AIG1: variants seen among roughly 807,000 people sequenced by gnomAD.
AIG1 encodes androgen-induced gene 1 protein.
Under a neutral mutation model 31.4 loss-of-function variants are expected in AIG1, and 23 were observed. The observed-to-expected ratio is 0.73, with a 90% CI of 0.53 to 1.04. The LOEUF (loss-of-function observed/expected upper bound fraction) is 1.04, where lower values mean the gene tolerates loss of function less well. Ranked by LOEUF, AIG1 falls within the 50% of genes least tolerant of loss-of-function variation. The pLI is 0.00. For synonymous variants in AIG1, 100 were observed against 110.5 expected, an observed-to-expected ratio of 0.90 and a Z score of 0.60; for missense variants, 274 against 295.0, an observed-to-expected ratio of 0.93 and a Z score of 0.52.
At chr6:143,241,216 T>C (rs758434137) in intron 3 of AIG1, among the ~76,000 whole-genome samples, 11 of 152,244 alleles carry the variant, frequency 7.2e-5, no homozygotes, top group Non-Finnish European at 1.5e-4. Context: ...TGGAAGTCCT[T>C]GACAAGGAAA....
chr6:143,175,650 C>T (rs1024050555), intron 3 of AIG1, among the ~76,000 whole-genome samples: 1 of 152,128 alleles, frequency 6.6e-6, no homozygotes, highest in Non-Finnish European at 1.5e-5. Context: ...TTCTTCATTT[C>T]TAGAAGTTGT....
chr6:143,225,610 C>T (rs1792886110), intron 3 of AIG1, among the ~76,000 whole-genome samples: 1 of 152,132 alleles, frequency 6.6e-6, no homozygotes, highest in Non-Finnish European at 1.5e-5. Context: ...CCTGCATCTT[C>T]ATGTTGATGT....
intron 4 of AIG1, among the ~76,000 whole-genome samples, chr6:143,319,855 G>A (rs977847197): frequency 6.6e-6 from 1 of 151,876 alleles, no homozygotes; most frequent in African/African-American, 2.4e-5. Flanking sequence ...GGCAACAAAA[G>A]CAATAATAGA....
intron 3 of AIG1, among the ~76,000 whole-genome samples, chr6:143,195,867 T>C (rs1790183809): frequency 6.6e-6 from 1 of 152,160 alleles, no homozygotes; most frequent in Non-Finnish European, 1.5e-5. Flanking sequence ...GAGCCTTGCC[T>C]GGAAAACAAA....
chr6:143,204,570 T>G (rs1351055230), intron 3 of AIG1, among the ~76,000 whole-genome samples: 1 of 152,062 alleles, frequency 6.6e-6, no homozygotes, highest in Non-Finnish European at 1.5e-5. Flanking sequence ...TTCTGCTGCT[T>G]CTTATTGGTC....
chr6:143,132,440 T>C (rs1783325992), intron 1 of AIG1, among the ~76,000 whole-genome samples: 1 of 152,238 alleles, frequency 6.6e-6, no homozygotes, highest in African/African-American at 2.4e-5. Flanking sequence ...ACAAGAAATA[T>C]GTGTTAATTC....
chr6:143,061,641 C>G (rs895289747), intron 1 of AIG1: 4 of 272,262 alleles, frequency 1.5e-5, no homozygotes, highest in Non-Finnish European at 7.4e-6. Context: ...CAACCTTTAC[C>G]CCGTACATAT....
intron 3 of AIG1, among the ~76,000 whole-genome samples, chr6:143,196,265 T>C (rs1459953806): frequency 2.6e-5 from 4 of 151,982 alleles, no homozygotes; most frequent in Non-Finnish European, 4.4e-5. Context: ...GTTTTGCACA[T>C]TTCTGGAGGG....
At chr6:143,196,185 A>G (rs1227394180) in intron 3 of AIG1, among the ~76,000 whole-genome samples, 1 of 152,204 alleles carries the variant, frequency 6.6e-6, no homozygotes, top group Non-Finnish European at 1.5e-5. Flanking sequence ...ATTGATCTGA[A>G]TGGTAATCTG....
chr6:143,213,508 C>CTTTTTTT (rs746350692), intron 3 of AIG1, among the ~76,000 whole-genome samples: 68 of 61,188 alleles, frequency 1.1e-3, no homozygotes, highest in Non-Finnish European at 1.8e-3. Flanking sequence ...TTTCTTTCTT[C>CTTTTTTT]TTTTTTTTTT....
chr6:143,160,347 A>G (rs535065120), intron 2 of AIG1, among the ~76,000 whole-genome samples: 1 of 152,366 alleles, frequency 6.6e-6, no homozygotes, highest in East Asian at 1.9e-4. Flanking sequence ...GTCAGACTCC[A>G]TGTGAGAGAC....
chr6:143,080,700 A>G (rs1778167895), intron 1 of AIG1, among the ~76,000 whole-genome samples: 1 of 152,084 alleles, frequency 6.6e-6, no homozygotes, highest in African/African-American at 2.4e-5. Flanking sequence ...TCGCCTGAAG[A>G]GCAGGCGCAG....
intron 3 of AIG1, among the ~76,000 whole-genome samples, chr6:143,235,293 G>T (rs1793727253): frequency 6.6e-6 from 1 of 152,036 alleles, no homozygotes; most frequent in Non-Finnish European, 1.5e-5. Flanking sequence ...ATAGAATTTA[G>T]TATTTCCTTT....
intron 3 of AIG1, among the ~76,000 whole-genome samples, chr6:143,277,352 C>G (rs146332922): frequency 1.4e-4 from 21 of 152,090 alleles, no homozygotes; most frequent in African/African-American, 5.1e-4. Flanking sequence ...ATTGGACCTC[C>G]TAGGAACCCT....
At chr6:143,189,846 T>C (rs970095862) in intron 3 of AIG1, 33 of 955,588 alleles carry the variant, frequency 3.5e-5, no homozygotes, top group Non-Finnish European at 3.7e-5. Flanking sequence ...CAGGCTACTA[T>C]AACAAAATAG....
At chr6:143,061,664 A>T (rs1202726441) in intron 1 of AIG1, 1 of 227,318 alleles carries the variant, frequency 4.4e-6, no homozygotes, top group Non-Finnish European at 9.1e-6. Flanking sequence ...GGAGACAGAG[A>T]TGTTCAAAGT....
chr6:143,162,523 C>T (rs1391140362), intron 2 of AIG1, among the ~76,000 whole-genome samples: 1 of 152,216 alleles, frequency 6.6e-6, no homozygotes, highest in Non-Finnish European at 1.5e-5. Context: ...TCCCCTGCTG[C>T]ACCAGTGTGT....
rs1370017044 is a variant in AIG1, at chr6:143,266,183, A to C, written c.400-17927A>C. Among the ~76,000 whole-genome samples the C allele has an allele frequency of 4.4e-4, 67 of 152,132 alleles. 2 individuals carry two copies. The highest frequency in any genetic ancestry group is 5.9e-5 in the Non-Finnish European group (4 of 67,974). On this transcript the variant is annotated intron_variant, in intron 3 of 5. Coordinates refer to ENST00000357847, the MANE Select transcript of AIG1 (RefSeq NM_016108.4). ...GCCAACATGGTGAAACCCCATCTCT[A>C]CTAAAATACAAAAATTAGCCGAGCA...
intron 1 of AIG1, among the ~76,000 whole-genome samples, chr6:143,115,807 C>T (rs2128494403): frequency 6.6e-6 from 1 of 152,310 alleles, no homozygotes; most frequent in Non-Finnish European, 1.5e-5. Context: ...CGCTTTATTG[C>T]ATCTGTAGAT....
Sources: allele counts gnomAD v4.1 joint callset (sites outside exome capture counted in the v4.1 genomes callset), GRCh38; gene constraint gnomAD v4.1.1; transcripts MANE v1.5; gene names NCBI Gene and HGNC (gene_info 2026-07-23, HGNC 2026-07-21).